RHBDD1: variants seen among roughly 807,000 people sequenced by gnomAD.
The protein encoded by RHBDD1 is rhomboid domain containing 1, also known as rhomboid-related protein 4.
A neutral mutation model predicts 36.3 loss-of-function variants in RHBDD1; 38 were observed. That is an observed-to-expected ratio of 1.05 (90% CI 0.81 to 1.37). The LOEUF (loss-of-function observed/expected upper bound fraction) is 1.37. RHBDD1 is among the 40% of genes most tolerant of loss of function. RHBDD1 has a pLI of 0.00. For missense variants in RHBDD1, 393 were observed against 377.6 expected, an observed-to-expected ratio of 1.04 and a Z score of -0.34; for synonymous variants, 151 against 136.5, an observed-to-expected ratio of 1.11 and a Z score of -0.74.
At chr2:226,827,527 G>A in the RHBDD1 span, among the ~76,000 whole-genome samples, 1 of 151,924 alleles carries the variant, frequency 6.6e-6, no homozygotes, top group Admixed American at 6.6e-5. Context: ...TTCTCACTTC[G>A]CCTTTTTGTT....
At chr2:226,985,738 C>G (rs998849223) in intron 8 of RHBDD1, among the ~76,000 whole-genome samples, 2 of 152,226 alleles carry the variant, frequency 1.3e-5, no homozygotes, top group Non-Finnish European at 2.9e-5. Context: ...CCCACACCAA[C>G]GTTAGCAGAC....
At chr2:226,805,365 A>G in the RHBDD1 span, among the ~76,000 whole-genome samples, 46 of 152,198 alleles carry the variant, frequency 3.0e-4, no homozygotes, top group African/African-American at 1.1e-3. Flanking sequence ...GGCATGCCCT[A>G]CCACGCCCAG....
chr2:226,983,773 C>T (rs1956310927), intron 8 of RHBDD1, among the ~76,000 whole-genome samples: 1 of 152,132 alleles, frequency 6.6e-6, no homozygotes, highest in African/African-American at 2.4e-5. Context: ...TCAATGAAAA[C>T]ATTCCCTTGA....
chr2:226,936,418 A>G lies in RHBDD1; in HGVS notation c.856+22067A>G, dbSNP rs193139186. 5.7e-3 allele frequency among the ~76,000 whole-genome samples: 867 copies of G among 152,116 alleles called. 9 individuals carry two copies. Among genetic ancestry groups the G allele is most frequent in the African/African-American group, 0.02 (834 of 41,532 alleles). On this transcript the variant is annotated intron_variant, in intron 8 of 8. Transcript: ENST00000392062. ...CTGAAGCCCAGCCATTGCTTTAAAA[A>G]AGAGAGAGAGAGATACATGGAATTT...
intron 5 of RHBDD1, among the ~76,000 whole-genome samples, chr2:226,895,459 A>G (rs961332519): frequency 1.3e-5 from 2 of 152,178 alleles, no homozygotes; most frequent in Non-Finnish European, 2.9e-5. Flanking sequence ...AGCATGGAAT[A>G]TAGAAGATAC....
At position 226,897,993 on chromosome 2, in the gene RHBDD1, AC is replaced by A. The variant is rs58894714; in HGVS notation, c.567-8799del. Among the ~76,000 whole-genome samples, 1,225 of 152,166 alleles carry A rather than the reference AC, an allele frequency of 8.1e-3. 15 individuals are homozygous for A. Among genetic ancestry groups the A allele is most frequent in the South Asian group, 0.043 (205 of 4,818 alleles). On this transcript the variant is annotated intron_variant, in intron 5 of 8. Coordinates refer to ENST00000392062, the MANE Select transcript of RHBDD1 (RefSeq NM_001167608.3). ...AAACTCCGTCTCAAAAAACAAAACA[AC>A]AACAACAACAACAAAACAAACAAAA...
chr2:226,870,859 A>G (rs1183718450), intron 5 of RHBDD1, among the ~76,000 whole-genome samples: 1 of 152,156 alleles, frequency 6.6e-6, no homozygotes, highest in Non-Finnish European at 1.5e-5. Context: ...CATCATCTTC[A>G]CATTGAGGAG....
intron 8 of RHBDD1, among the ~76,000 whole-genome samples, chr2:226,982,465 A>G (rs1375151570): frequency 6.6e-6 from 1 of 152,238 alleles, no homozygotes; most frequent in East Asian, 1.9e-4. Context: ...AGTAAAGATA[A>G]GTTGAACTTT....
Position 226,864,738 on chromosome 2 carries a change from C to T in RHBDD1, c.45C>T (p.Leu15=), listed in dbSNP as rs200858101. ...GGATAAATACTGGACTTATTCTACT[C>T]CTTTCTCAAATCTTCCATGTTGGGA... ...SRGINTGLIL[L]LSQIFHVGIN... is the part of the protein sequence containing the mutation. Residue 15 remains leucine, a synonymous_variant, in exon 4 of 9, where the codon CTC becomes CTT. Coordinates refer to ENST00000392062, the MANE Select transcript of RHBDD1 (RefSeq NM_001167608.3). 1.9e-6 allele frequency: 3 copies of T among 1,614,154 alleles called. No individual in the cohort carries two copies. The highest frequency in any genetic ancestry group is 2.2e-5 in the East Asian group (1 of 44,882).
At chr2:226,903,366 C>T (rs949240642) in intron 5 of RHBDD1, among the ~76,000 whole-genome samples, 10 of 152,286 alleles carry the variant, frequency 6.6e-5, no homozygotes, top group African/African-American at 2.2e-4. Context: ...TCACCCAGGA[C>T]GTGAATCATC....
At chr2:226,902,684 C>G (rs1947695343) in intron 5 of RHBDD1, among the ~76,000 whole-genome samples, 1 of 152,070 alleles carries the variant, frequency 6.6e-6, no homozygotes, top group African/African-American at 2.4e-5. Flanking sequence ...TAAAATTGAA[C>G]ACTTTTATAA....
At chr2:226,987,339 TA>T (rs535185706) in intron 8 of RHBDD1, among the ~76,000 whole-genome samples, 1,567 of 145,142 alleles carry the variant, frequency 0.011, 20 homozygotes, top group Middle Eastern at 0.025. Flanking sequence ...ACTTAAAGTA[TA>T]AAAAAAAAAA....
intron 5 of RHBDD1, among the ~76,000 whole-genome samples, chr2:226,870,100 G>A (rs1182199326): frequency 2.0e-5 from 3 of 152,188 alleles, no homozygotes; most frequent in African/African-American, 7.2e-5. Flanking sequence ...GCCACTCAGC[G>A]ACTATACTAG....
intron 8 of RHBDD1, among the ~76,000 whole-genome samples, chr2:226,994,644 A>G (rs1296801951): frequency 6.6e-6 from 1 of 152,148 alleles, no homozygotes; most frequent in Non-Finnish European, 1.5e-5. Flanking sequence ...TGGTTTCCTC[A>G]TGGGGAATAT....
chr2:226,915,366 A>G (rs1948827255), intron 8 of RHBDD1, among the ~76,000 whole-genome samples: 1 of 152,200 alleles, frequency 6.6e-6, no homozygotes, highest in Non-Finnish European at 1.5e-5. Flanking sequence ...ATGGACAATA[A>G]GAGAAGAAAG....
intron 8 of RHBDD1, among the ~76,000 whole-genome samples, chr2:226,918,793 T>A (rs1362362383): frequency 6.6e-6 from 1 of 152,092 alleles, no homozygotes; most frequent in Non-Finnish European, 1.5e-5. Context: ...AGATATCTCT[T>A]TGATATAATT....
At chr2:226,938,756 G>A (rs1001644395) in intron 8 of RHBDD1, among the ~76,000 whole-genome samples, 6 of 151,430 alleles carry the variant, frequency 4.0e-5, no homozygotes, top group Non-Finnish European at 8.8e-5. Context: ...AAAAAAAAAC[G>A]GACTCCTTGC....
chr2:226,984,055 A>G (rs978305022), intron 8 of RHBDD1, among the ~76,000 whole-genome samples: 1 of 152,184 alleles, frequency 6.6e-6, no homozygotes, highest in South Asian at 2.1e-4. Context: ...GTCTCCGGCA[A>G]TTATGAAGCC....
At chr2:226,984,255 A>T (rs911417309) in intron 8 of RHBDD1, among the ~76,000 whole-genome samples, 1 of 152,322 alleles carries the variant, frequency 6.6e-6, no homozygotes, top group South Asian at 2.1e-4. Flanking sequence ...ACAAAATACT[A>T]CCATGGACCC....
Sources: allele counts gnomAD v4.1 joint callset (sites outside exome capture counted in the v4.1 genomes callset), GRCh38; gene constraint gnomAD v4.1.1; transcripts MANE v1.5; gene names NCBI Gene and HGNC (gene_info 2026-07-23, HGNC 2026-07-21).